Variants in HPSE2 observed in about 807,000 individuals in gnomAD.
HPSE2 encodes heparanase 2 (inactive).
A neutral mutation model predicts 60.5 loss-of-function variants in HPSE2; 38 were observed. That is an observed-to-expected ratio of 0.63 (90% CI 0.48 to 0.82). The LOEUF is 0.82. Among genes scored for constraint, HPSE2 ranks in the 40% least tolerant of loss-of-function variants. The pLI, the probability that HPSE2 is intolerant of heterozygous loss-of-function variation, is 0.00. For synonymous variants in HPSE2, 295 were observed against 293.2 expected, an observed-to-expected ratio of 1.01 and a Z score of -0.06; for missense variants, 713 against 740.4, an observed-to-expected ratio of 0.96 and a Z score of 0.43.
intron 6 of HPSE2, among the ~76,000 whole-genome samples, chr10:98,644,534 A>G (rs900074221): frequency 1.6e-4 from 24 of 152,188 alleles, no homozygotes; most frequent in African/African-American, 5.5e-4. Flanking sequence ...AAAAGACCTT[A>G]CTGGTCAGCT....
intron 3 of HPSE2, among the ~76,000 whole-genome samples, chr10:98,815,427 G>C (rs566667720): frequency 6.6e-6 from 1 of 152,184 alleles, no homozygotes. Flanking sequence ...ATGCAAAACA[G>C]AGCCAAGAAG....
At chr10:99,215,544 T>G (rs1457198175) in intron 2 of HPSE2, among the ~76,000 whole-genome samples, 2 of 152,208 alleles carry the variant, frequency 1.3e-5, no homozygotes, top group African/African-American at 2.4e-5. Context: ...GACAGGTTGA[T>G]GTAGCAAACC....
At chr10:98,839,520 C>A (rs1009857684) in intron 3 of HPSE2, among the ~76,000 whole-genome samples, 31 of 152,306 alleles carry the variant, frequency 2.0e-4, no homozygotes, top group African/African-American at 7.2e-4. Flanking sequence ...GATAACCAGT[C>A]CTCCAAATCC....
the HPSE2 span, among the ~76,000 whole-genome samples, chr10:99,255,169 GA>G: frequency 6.6e-6 from 1 of 152,112 alleles, no homozygotes; most frequent in Non-Finnish European, 1.5e-5. Flanking sequence ...ACAGACATTA[GA>G]AAAGTTACAG....
intron 9 of HPSE2, among the ~76,000 whole-genome samples, chr10:98,522,589 C>T (rs1328493126): frequency 3.3e-5 from 5 of 152,164 alleles, no homozygotes; most frequent in African/African-American, 1.2e-4. Flanking sequence ...ATTCTCCTGC[C>T]TCAGCCTCCT....
intron 3 of HPSE2, among the ~76,000 whole-genome samples, chr10:98,903,044 T>C (rs895740917): frequency 3.9e-5 from 6 of 152,108 alleles, no homozygotes; most frequent in Non-Finnish European, 2.9e-5. Flanking sequence ...AGCAGCAGAA[T>C]TGATAAATAA....
chr10:98,698,193 T>TA (rs1948286934), intron 5 of HPSE2, among the ~76,000 whole-genome samples: 1 of 145,490 alleles, frequency 6.9e-6, no homozygotes, highest in Non-Finnish European at 1.5e-5. Flanking sequence ...ATACATTTTT[T>TA]TCAGCACCAC....
chr10:99,018,926 T>C (rs940400425), intron 3 of HPSE2, among the ~76,000 whole-genome samples: 21 of 152,228 alleles, frequency 1.4e-4, no homozygotes, highest in Non-Finnish European at 2.5e-4. Flanking sequence ...TTTGGGAATT[T>C]AGAAATTTCA....
intron 3 of HPSE2, among the ~76,000 whole-genome samples, chr10:99,071,306 G>A (rs1413435092): frequency 1.3e-5 from 2 of 152,066 alleles, no homozygotes; most frequent in Admixed American, 1.3e-4. Flanking sequence ...CTGACCTCAG[G>A]TGATCCACCC....
intron 2 of HPSE2, among the ~76,000 whole-genome samples, chr10:99,185,133 C>T (rs992968022): frequency 5.3e-5 from 8 of 151,288 alleles, no homozygotes; most frequent in Non-Finnish European, 1.0e-4. Flanking sequence ...AGCCCTGTCT[C>T]GACTAAATAT....
chr10:98,719,718 A>AG (rs202124718), intron 5 of HPSE2, among the ~76,000 whole-genome samples: 3,190 of 148,662 alleles, frequency 0.021, 136 homozygotes, highest in African/African-American at 0.076. Context: ...AAAAAAAAAA[A>AG]AAGAAGAAGA....
the HPSE2 span, among the ~76,000 whole-genome samples, chr10:99,305,899 C>G: frequency 1.3e-5 from 2 of 150,286 alleles, no homozygotes; most frequent in African/African-American, 4.9e-5. Context: ...ATAGATTGAC[C>G]TAACAGAAGA....
chr10:99,092,538 T>C (rs112354196), intron 3 of HPSE2, among the ~76,000 whole-genome samples: 4 of 152,186 alleles, frequency 2.6e-5, no homozygotes, highest in Non-Finnish European at 5.9e-5. Flanking sequence ...CCTAAGTATT[T>C]AGCAACAATA....
chr10:98,740,951 A>G (rs921771278), intron 4 of HPSE2, among the ~76,000 whole-genome samples: 19 of 152,290 alleles, frequency 1.2e-4, no homozygotes, highest in African/African-American at 4.6e-4. Context: ...ATCTTAAGAG[A>G]GATGATTCTA....
intron 3 of HPSE2, among the ~76,000 whole-genome samples, chr10:98,937,724 G>C (rs1321170980): frequency 7.1e-6 from 1 of 141,602 alleles, no homozygotes; most frequent in Non-Finnish European, 1.5e-5. Context: ...TGACAGCTTT[G>C]AAGAGAGCAG....
intron 3 of HPSE2, among the ~76,000 whole-genome samples, chr10:99,058,992 T>C (rs1958175044): frequency 6.6e-6 from 1 of 152,218 alleles, no homozygotes; most frequent in South Asian, 2.1e-4. Context: ...CCATAGACAA[T>C]ATGTAAATGA....
At chr10:99,195,945 T>G (rs2133871941) in intron 2 of HPSE2, among the ~76,000 whole-genome samples, 1 of 152,208 alleles carries the variant, frequency 6.6e-6, no homozygotes, top group Non-Finnish European at 1.5e-5. Flanking sequence ...TCACATTACC[T>G]GACTTCATAT....
intron 3 of HPSE2, among the ~76,000 whole-genome samples, chr10:99,105,335 T>G (rs570996799): frequency 2.6e-5 from 4 of 152,292 alleles, no homozygotes; most frequent in African/African-American, 9.6e-5. Context: ...TGTTGGTTAA[T>G]GATGTTAAGC....
intron 3 of HPSE2, among the ~76,000 whole-genome samples, chr10:99,030,581 G>A (rs2135449873): frequency 6.6e-6 from 1 of 152,246 alleles, no homozygotes; most frequent in East Asian, 1.9e-4. Flanking sequence ...GAACAGTTTG[G>A]AGGTTCCTCA....
Sources: allele counts gnomAD v4.1 joint callset (sites outside exome capture counted in the v4.1 genomes callset), GRCh38; gene constraint gnomAD v4.1.1; transcripts MANE v1.5; gene names NCBI Gene and HGNC (gene_info 2026-07-23, HGNC 2026-07-21).